DGLUCY: variants seen among roughly 807,000 people sequenced by gnomAD.
The protein encoded by DGLUCY is D-glutamate cyclase, mitochondrial.
A neutral mutation model predicts 58.5 loss-of-function variants in DGLUCY; 58 were observed. The observed-to-expected ratio is 0.99, with a 90% confidence interval of 0.80 to 1.23. The LOEUF is 1.23. DGLUCY is among the 50% of genes most tolerant of loss of function. DGLUCY has a pLI of 0.00. For missense variants in DGLUCY, 779 were observed against 784.7 expected, an observed-to-expected ratio of 0.99 and a Z score of 0.09; for synonymous variants, 325 against 314.1, an observed-to-expected ratio of 1.03 and a Z score of -0.37.
chr14:91,173,464 T>C (rs1318737396), intron 6 of DGLUCY, 25 bp downstream of exon 6: 1 of 1,570,974 alleles, frequency 6.4e-7, no homozygotes, highest in East Asian at 2.2e-5. Flanking sequence ...CTCCTGCCCA[T>C]GATCTTCCTG....
upstream of DGLUCY, among the ~76,000 whole-genome samples, chr14:91,109,686 T>A (rs1392659630): frequency 6.6e-6 from 1 of 152,048 alleles, no homozygotes; most frequent in African/African-American, 2.4e-5. Flanking sequence ...GAAAGGAAGC[T>A]CTCTGGGGTC....
At chr14:91,090,033 T>C (rs145007969) in intron 1 of DGLUCY, among the ~76,000 whole-genome samples, 3 of 152,254 alleles carry the variant, frequency 2.0e-5, no homozygotes, top group South Asian at 2.1e-4. Flanking sequence ...CCACCTCTAC[T>C]GAGGTGCACA....
At chr14:91,224,336 T>G (rs1887914639) in intron 13 of DGLUCY, among the ~76,000 whole-genome samples, 1 of 152,204 alleles carries the variant, frequency 6.6e-6, no homozygotes, top group Non-Finnish European at 1.5e-5. Flanking sequence ...AATACCAGTC[T>G]GGGCAACATA....
At chr14:91,108,933 C>T (rs1417840874) in intron 1 of DGLUCY, among the ~76,000 whole-genome samples, 7 of 152,078 alleles carry the variant, frequency 4.6e-5, no homozygotes, top group Admixed American at 2.6e-4. Context: ...GACCGGAGAG[C>T]AAGGACCTGT....
At chr14:91,152,882 G>A (rs1181970263) in intron 1 of DGLUCY, among the ~76,000 whole-genome samples, 1 of 152,254 alleles carries the variant, frequency 6.6e-6, no homozygotes, top group Non-Finnish European at 1.5e-5. Context: ...TCTGTTTTTC[G>A]TGTGCATCCT....
At chr14:91,166,234 G>C (rs1012762221) in intron 3 of DGLUCY, among the ~76,000 whole-genome samples, 2 of 152,296 alleles carry the variant, frequency 1.3e-5, no homozygotes, top group Middle Eastern at 6.8e-3. Context: ...CTGTAGGTTC[G>C]TATGTTTTTG....
chr14:91,108,514 TGTGTGTGTGTGTGA>T (rs2044631506), intron 1 of DGLUCY, among the ~76,000 whole-genome samples: 1 of 89,308 alleles, frequency 1.1e-5, no homozygotes, highest in Non-Finnish European at 2.4e-5. Flanking sequence ...TGTGTGTGTG[TGTGTGTGTGTGTGA>T]GAGAGAGAGA....
At chr14:91,210,654 G>A (rs1885535616) in intron 12 of DGLUCY, among the ~76,000 whole-genome samples, 1 of 152,144 alleles carries the variant, frequency 6.6e-6, no homozygotes, top group Admixed American at 6.5e-5. Flanking sequence ...AAAAGCATTT[G>A]ACAAAAGCAA....
At chr14:91,193,602 A>G (rs2050031400) in intron 9 of DGLUCY, among the ~76,000 whole-genome samples, 1 of 152,182 alleles carries the variant, frequency 6.6e-6, no homozygotes, top group Admixed American at 6.5e-5. Flanking sequence ...GCACTTTGGA[A>G]GGCCAAGGCA....
intron 1 of DGLUCY, among the ~76,000 whole-genome samples, chr14:91,061,824 T>G (rs901008831): frequency 6.6e-6 from 1 of 152,098 alleles, no homozygotes; most frequent in African/African-American, 2.4e-5. Context: ...TTTTTTTTAG[T>G]ACACAGTGAT....
intron 1 of DGLUCY, among the ~76,000 whole-genome samples, chr14:91,121,276 T>C (rs1439047925): frequency 1.4e-4 from 21 of 152,010 alleles, no homozygotes; most frequent in Admixed American, 1.4e-3. Flanking sequence ...GGCAAAAGAG[T>C]GAACTGTATG....
chr14:91,224,288 G>C (rs1000409945), intron 13 of DGLUCY, among the ~76,000 whole-genome samples: 8 of 152,220 alleles, frequency 5.3e-5, no homozygotes, highest in African/African-American at 1.7e-4. Context: ...AGCTAGTCAG[G>C]AGACTGAGAC....
intron 8 of DGLUCY, among the ~76,000 whole-genome samples, chr14:91,188,371 C>T (rs1341842116): frequency 6.6e-6 from 1 of 152,162 alleles, no homozygotes; most frequent in Non-Finnish European, 1.5e-5. Context: ...AAGGGAGGCT[C>T]CTCAGCCATT....
intron 1 of DGLUCY, among the ~76,000 whole-genome samples, chr14:91,127,885 G>C (rs1037632907): frequency 7.9e-5 from 12 of 151,206 alleles, no homozygotes; most frequent in African/African-American, 2.7e-4. Context: ...CTTACTGAAG[G>C]CTGAAGAAGG....
At chr14:91,180,639 A>G (rs550240784) in intron 7 of DGLUCY, among the ~76,000 whole-genome samples, 2 of 152,288 alleles carry the variant, frequency 1.3e-5, no homozygotes, top group Admixed American at 1.3e-4. Context: ...TCACAATGCT[A>G]AAACCAGTTC....
intron 9 of DGLUCY, among the ~76,000 whole-genome samples, chr14:91,195,009 T>C (rs939835888): frequency 3.9e-5 from 6 of 152,172 alleles, no homozygotes; most frequent in African/African-American, 1.4e-4. Context: ...AGTACAAGCA[T>C]GCAGTTTTAA....
upstream of DGLUCY, among the ~76,000 whole-genome samples, chr14:91,107,236 T>C (rs1265607498): frequency 6.6e-6 from 1 of 152,128 alleles, no homozygotes; most frequent in Non-Finnish European, 1.5e-5. Context: ...ACCCTTCATT[T>C]CGCTAGGTGT....
At chr14:91,222,799 C>T (rs1887708975) in intron 13 of DGLUCY, among the ~76,000 whole-genome samples, 1 of 152,188 alleles carries the variant, frequency 6.6e-6, no homozygotes, top group South Asian at 2.1e-4. Context: ...CAACTATAGA[C>T]TAGGTGGCTT....
At chr14:91,215,317 T>C in intron 12 of DGLUCY, 88 bp from the exon 13 acceptor site, 1 of 1,526,880 alleles carries the variant, frequency 6.5e-7, no homozygotes, top group South Asian at 1.3e-5. Context: ...CGTGGACCAG[T>C]CCTGCAGATA....
Sources: gnomAD v4.1 joint callset for allele counts (sites outside exome capture counted in the v4.1 genomes callset) on GRCh38, gnomAD v4.1.1 for gene constraint, MANE v1.5 for transcripts, NCBI Gene and HGNC (gene_info 2026-07-23, HGNC 2026-07-21) for gene names.